STXBP5L: variants seen among roughly 807,000 people sequenced by gnomAD.
STXBP5L encodes the protein syntaxin binding protein 5L, also known as syntaxin-binding protein 5-like.
Under a neutral mutation model 144.5 loss-of-function variants are expected in STXBP5L, and 65 were observed. The observed-to-expected ratio is 0.45, with a 90% CI of 0.37 to 0.55. The LOEUF is 0.55. STXBP5L is among the 20% of genes least tolerant of loss of function. The pLI is 0.00. For synonymous variants in STXBP5L, 505 were observed against 469.6 expected (o/e 1.08, Z -0.97); for missense variants, 1,298 against 1,405.5 (o/e 0.92, Z 1.22).
At chr3:121,185,970 CA>C in intron 9 of STXBP5L, among the ~76,000 whole-genome samples, 1 of 152,252 alleles carries the variant, frequency 6.6e-6, no homozygotes, top group Middle Eastern at 3.4e-3. Context: ...TCTTTTATTT[CA>C]CTGAGCAGTG....
Position 121,377,843 on chromosome 3 carries a change from T to C in STXBP5L, c.2177-873T>C, listed in dbSNP as rs181831859. Among the ~76,000 whole-genome samples the C allele has an allele frequency of 2.3e-3, 351 of 152,314 alleles. 1 individual carries two copies. Among genetic ancestry groups the C allele is most frequent in the African/African-American group, 7.4e-3 (307 of 41,576 alleles). The stretch of plus-strand genomic sequence containing the variant: ...GGGTATATACCCAAAGGATTATAAA[T>C]CTTTCTACTATAAAGACACATGCAC... On this transcript the variant is annotated intron_variant, in intron 20 of 26. Transcript: ENST00000471454.
At chr3:121,218,024 T>G (rs1050741356) in intron 10 of STXBP5L, among the ~76,000 whole-genome samples, 1 of 144,386 alleles carries the variant, frequency 6.9e-6, no homozygotes, top group East Asian at 2.0e-4. Flanking sequence ...TATACTATAG[T>G]ATAATATACT....
At chr3:120,988,664 C>G (rs1942534854) in intron 3 of STXBP5L, among the ~76,000 whole-genome samples, 1 of 151,918 alleles carries the variant, frequency 6.6e-6, no homozygotes, top group Admixed American at 6.6e-5. Context: ...TGCTAATTTT[C>G]TTTAAAAAAT....
chr3:121,129,521 T>C (rs1031338308), intron 7 of STXBP5L, among the ~76,000 whole-genome samples: 1 of 152,036 alleles, frequency 6.6e-6, no homozygotes, highest in African/African-American at 2.4e-5. Context: ...CTTTTATGTG[T>C]ATAGATCAAC....
intron 5 of STXBP5L, among the ~76,000 whole-genome samples, chr3:121,049,254 G>A (rs1947760059): frequency 6.6e-6 from 1 of 152,048 alleles, no homozygotes; most frequent in South Asian, 2.1e-4. Context: ...GGGCATCAGT[G>A]GGGAAGGTTG....
At chr3:121,354,533 C>G (rs1411053170) in intron 20 of STXBP5L, among the ~76,000 whole-genome samples, 1 of 55,108 alleles carries the variant, frequency 1.8e-5, no homozygotes, top group Admixed American at 2.2e-4. Flanking sequence ...TTTTTTTGCT[C>G]TCCATGTGCT....
intron 9 of STXBP5L, among the ~76,000 whole-genome samples, chr3:121,203,459 C>T (rs1372390968): frequency 1.3e-5 from 2 of 152,006 alleles, no homozygotes; most frequent in South Asian, 2.1e-4. Flanking sequence ...GAATTTTAAG[C>T]CTCTGGAATT....
At chr3:121,390,451 GC>G (rs1324694328) in intron 22 of STXBP5L, among the ~76,000 whole-genome samples, 1 of 152,086 alleles carries the variant, frequency 6.6e-6, no homozygotes, top group Non-Finnish European at 1.5e-5. Context: ...TGGTTATTTT[GC>G]CCATTCATTG....
chr3:121,038,999 T>A (rs1173292230), intron 3 of STXBP5L, among the ~76,000 whole-genome samples: 1 of 151,974 alleles, frequency 6.6e-6, no homozygotes, highest in African/African-American at 2.4e-5. Flanking sequence ...TGTATATATT[T>A]AAAGGAGGTT....
chr3:121,048,892 C>T (rs1237566669), intron 5 of STXBP5L, among the ~76,000 whole-genome samples: 2 of 152,110 alleles, frequency 1.3e-5, no homozygotes, highest in Non-Finnish European at 2.9e-5. Flanking sequence ...GTGGACAAGT[C>T]TGGCTGCTTT....
intron 5 of STXBP5L, among the ~76,000 whole-genome samples, chr3:121,106,416 C>T (rs371648097): frequency 4.6e-5 from 7 of 152,080 alleles, no homozygotes; most frequent in African/African-American, 1.2e-4. Flanking sequence ...TCCCAACCTC[C>T]GCCAACAGGC....
intron 22 of STXBP5L, among the ~76,000 whole-genome samples, chr3:121,395,266 A>G (rs2046700608): frequency 6.6e-6 from 1 of 152,226 alleles, no homozygotes; most frequent in African/African-American, 2.4e-5. Context: ...AAAACAAAAC[A>G]AAACTCTTCT....
In STXBP5L at chr3:121,421,745, A is replaced by G. The variant is rs117076702; in HGVS notation, c.*2648A>G. On this transcript the variant is annotated 3_prime_UTR_variant, in exon 27 of 27. Transcript: ENST00000471454. Reference sequence around the variant, plus strand: ...GCACACAGAGAAAATATCAAAAAGGACATTATAGCATTTCACTGTAGAAGT... The same window carrying G: ...GCACACAGAGAAAATATCAAAAAGGGCATTATAGCATTTCACTGTAGAAGT... The G allele has an allele frequency of 5.9e-5, 9 of 152,302 alleles. No homozygotes were observed. In the East Asian group the frequency reaches 1.7e-3, roughly 29 times the overall value. The allele number at this position is 152,302 out of a possible 1,614,324, so 9.4% of individuals were successfully genotyped here. A position where few individuals can be genotyped will look rare whatever the true frequency, so the allele number is the denominator to read the frequency against.
In STXBP5L at chr3:121,381,529, A is replaced by G; in HGVS notation, c.2584A>G (p.Ser862Gly). 6.3e-7 allele frequency: 1 copy of G among 1,589,762 alleles called. No individual in the cohort carries two copies. The highest frequency in any genetic ancestry group is 1.2e-5 in the South Asian group (1 of 85,606). ...RFTEPVMVLP[S>G]GTFLSLKGAV... ...TACAGAGCCAGTCATGGTATTGCCA[A>G]GTGGTAAGAGTTTGTATTCATTCAT... Residue 862 changes from serine to glycine, a missense_variant, in exon 22 of 27, where the codon AGT becomes GGT. Ser to Gly is a moderately conservative substitution (Grantham distance 56). Transcript: ENST00000471454.
At chr3:121,231,762 A>C (rs1459407452) in intron 11 of STXBP5L, among the ~76,000 whole-genome samples, 1 of 152,210 alleles carries the variant, frequency 6.6e-6, no homozygotes, top group Non-Finnish European at 1.5e-5. Context: ...TGGAGGGAGC[A>C]ATGTAGTCCC....
rs565190863 is a variant in STXBP5L, at chr3:121,211,001, A to T, written c.956+5000A>T. Among the ~76,000 whole-genome samples the T allele has an allele frequency of 1.2e-4, 18 of 152,272 alleles. No individual in the cohort carries two copies. The South Asian group carries it at 3.7e-3, about 32-fold the overall frequency. On this transcript the variant is annotated intron_variant, in intron 10 of 26. Transcript: ENST00000471454. ...TGGTAGCTTGATGGGGATGGCATTGAATCTATAAATTACATTGGGCAGTAT... is the reference window on the plus strand; with the variant it reads ...TGGTAGCTTGATGGGGATGGCATTGTATCTATAAATTACATTGGGCAGTAT...
chr3:121,199,321 A>G (rs184777774), intron 9 of STXBP5L, among the ~76,000 whole-genome samples: 1 of 152,200 alleles, frequency 6.6e-6, no homozygotes, highest in East Asian at 1.9e-4. Flanking sequence ...TGATTTTTGC[A>G]CACTGATTTT....
At chr3:121,174,184 T>C (rs2046842521) in intron 9 of STXBP5L, among the ~76,000 whole-genome samples, 1 of 152,144 alleles carries the variant, frequency 6.6e-6, no homozygotes, top group South Asian at 2.1e-4. Context: ...TCTTTACAGT[T>C]TTTTGCATTT....
intron 24 of STXBP5L, among the ~76,000 whole-genome samples, chr3:121,414,316 T>C (rs2047185616): frequency 1.3e-5 from 2 of 152,184 alleles, no homozygotes; most frequent in Admixed American, 1.3e-4. Flanking sequence ...GGGAGACATA[T>C]AAGAAGGACA....
Sources: gnomAD v4.1 joint callset for allele counts (sites outside exome capture counted in the v4.1 genomes callset) on GRCh38, gnomAD v4.1.1 for gene constraint, MANE v1.5 for transcripts, NCBI Gene and HGNC (gene_info 2026-07-23, HGNC 2026-07-21) for gene names.